The following SNTA1 variants were observed in gnomAD, a reference collection of about 807,000 sequenced individuals.
SNTA1 encodes syntrophin alpha 1.
SNTA1 carries 31 observed loss-of-function variants against 47.1 expected under a neutral mutation model. The observed-to-expected ratio is 0.66, with a 90% CI of 0.49 to 0.89. The LOEUF is 0.89. Among genes scored for constraint, SNTA1 ranks in the 40% least tolerant of loss-of-function variants. The pLI is 0.00. For synonymous variants in SNTA1, 300 were observed against 313.6 expected (o/e 0.96, Z 0.46); for missense variants, 575 against 693.0 (o/e 0.83, Z 1.91).
In SNTA1 at chr20:33,408,461, C is replaced by G; in HGVS notation, c.*46G>C. On this transcript the variant is annotated 3_prime_UTR_variant, in exon 8 of 8. Coordinates refer to ENST00000217381, the MANE Select transcript of SNTA1 (RefSeq NM_003098.3). ...GCAGTCGGTGGAGGCCCAGCTCAGG[C>G]CATGTCATGGACACCCCTCTTCAGG... is the stretch of plus-strand genomic sequence containing the variant. 2.2e-6 allele frequency: 3 copies of G among 1,370,698 alleles called. No individual in the cohort carries two copies. Among genetic ancestry groups the G allele is most frequent in the Non-Finnish European group, 3.1e-6 (3 of 959,244 alleles). The allele number at this position is 1,370,698 out of a possible 1,614,324, so 84.9% of individuals were successfully genotyped here. A position where few individuals can be genotyped will look rare whatever the true frequency, so the allele number is the denominator to read the frequency against.
chr20:33,409,776 G>C (rs891295864), intron 6 of SNTA1, among the ~76,000 whole-genome samples: 1 of 151,642 alleles, frequency 6.6e-6, no homozygotes. Flanking sequence ...GACTACAGGC[G>C]CCCACCACCA....
At chr20:33,426,848 G>C (rs929676026) in intron 2 of SNTA1, among the ~76,000 whole-genome samples, 3 of 151,978 alleles carry the variant, frequency 2.0e-5, no homozygotes, top group African/African-American at 7.2e-5. Flanking sequence ...GATCGCTTGA[G>C]CCCAGGAGTT....
At chr20:33,423,712 T>TG (rs375177447) in intron 2 of SNTA1, among the ~76,000 whole-genome samples, 17 of 152,166 alleles carry the variant, frequency 1.1e-4, no homozygotes, top group African/African-American at 4.1e-4. Flanking sequence ...ATAAGTGGAC[T>TG]GGGGGTCACA....
At chr20:33,429,823 C>G (rs891494370) in intron 2 of SNTA1, among the ~76,000 whole-genome samples, 2 of 151,982 alleles carry the variant, frequency 1.3e-5, no homozygotes, top group Non-Finnish European at 2.9e-5. Context: ...AGTGCAATGG[C>G]ACAATCTCAG....
At chr20:33,413,572 T>G (rs1239727537) in intron 3 of SNTA1, among the ~76,000 whole-genome samples, 1 of 149,948 alleles carries the variant, frequency 6.7e-6, no homozygotes, top group African/African-American at 2.5e-5. Flanking sequence ...CTGGGCCAGC[T>G]CCCAGGTTCT....
intron 7 of SNTA1, 39 bp downstream of exon 7, chr20:33,408,662 C>G: frequency 6.2e-7 from 1 of 1,610,430 alleles, no homozygotes; most frequent in South Asian, 1.1e-5. Context: ...GAGTGCACAC[C>G]CCCTCCTCCC....
chr20:33,442,405 G>A (rs933062710), intron 1 of SNTA1, among the ~76,000 whole-genome samples: 3 of 152,172 alleles, frequency 2.0e-5, no homozygotes, highest in Non-Finnish European at 4.4e-5. Context: ...GGCAGGAATA[G>A]TGAACCCAGC....
intron 2 of SNTA1, among the ~76,000 whole-genome samples, chr20:33,425,898 C>A (rs529571288): frequency 6.6e-6 from 1 of 151,588 alleles, no homozygotes; most frequent in South Asian, 2.1e-4. Flanking sequence ...ATGGTGAAAC[C>A]CTATCTCCAC....
intron 1 of SNTA1, 67 bp downstream of exon 1, chr20:33,443,244 C>T: frequency 7.7e-7 from 1 of 1,302,130 alleles, no homozygotes; most frequent in South Asian, 1.4e-5. Flanking sequence ...GGGCGCGCTG[C>T]CAGCCCCCTG....
At chr20:33,418,694 G>A (rs11699937) in intron 2 of SNTA1, among the ~76,000 whole-genome samples, 65,678 of 150,400 alleles carry the variant, frequency 0.44, 14,944 homozygotes, top group Non-Finnish European at 0.51. Context: ...TGGGGAGGCT[G>A]AGGCAGGAGA....
At chr20:33,419,049 G>T (rs532790826) in intron 2 of SNTA1, among the ~76,000 whole-genome samples, 2 of 152,042 alleles carry the variant, frequency 1.3e-5, no homozygotes, top group Admixed American at 1.3e-4. Flanking sequence ...GGGAAGCAAA[G>T]GTTGCAATGA....
Position 33,410,192 on chromosome 20 carries a change from G to A in SNTA1, c.1180C>T (p.Arg394Cys), listed in dbSNP as rs567451585. Reference protein sequence around the residue: ...ESPQELAAWTRQLVDGCHRAA... With the variant: ...ESPQELAAWTCQLVDGCHRAA... ...CGGTGACAGCCATCCACAAGCTGGCGGGTCCAGGCAGCCAGCTCCTGCGGT... is the reference window on the plus strand; with the variant it reads ...CGGTGACAGCCATCCACAAGCTGGCAGGTCCAGGCAGCCAGCTCCTGCGGT... The change falls in exon 6 of 8, where the codon CGC becomes TGC. Residue 394 changes from arginine (R) to cysteine (C), a missense_variant. Physicochemically the swap from Arg to Cys is radical, Grantham distance 180. Transcript: ENST00000217381. 65 of 1,614,088 alleles carry A rather than the reference G, an allele frequency of 4.0e-5. No homozygotes were observed. The highest frequency in any genetic ancestry group is 4.7e-5 in the Non-Finnish European group (55 of 1,179,994).
intron 1 of SNTA1, among the ~76,000 whole-genome samples, chr20:33,442,871 G>A (rs1277233891): frequency 6.6e-6 from 1 of 151,996 alleles, no homozygotes; most frequent in African/African-American, 2.4e-5. Flanking sequence ...ATCCACCCCT[G>A]TGCTTCCCAG....
intron 3 of SNTA1, among the ~76,000 whole-genome samples, chr20:33,414,386 A>T (rs953600475): frequency 6.6e-6 from 1 of 151,976 alleles, no homozygotes; most frequent in Non-Finnish European, 1.5e-5. Context: ...TGAGGCCAGG[A>T]GTTCAAAACC....
At position 33,417,869 on chromosome 20, in the gene SNTA1, G is replaced by A. The variant is rs753294770; in HGVS notation, c.551C>T (p.Ser184Leu). The A allele has an allele frequency of 1.1e-5, 18 of 1,613,958 alleles. No individual in the cohort carries two copies. In the South Asian group the frequency reaches 1.6e-4, roughly 15 times the overall value. Reference protein sequence around the residue: ...PYFKNSTGGTSVGWDSPPASP... With the variant: ...PYFKNSTGGTLVGWDSPPASP... ...GGCAGGAGGTGAGTCCCAGCCGACCGAGGTCCCACCAGTAGAGTTCTTGAA... is the reference window on the plus strand; with the variant it reads ...GGCAGGAGGTGAGTCCCAGCCGACCAAGGTCCCACCAGTAGAGTTCTTGAA... The change falls in exon 3 of 8, where the codon TCG becomes TTG. Residue 184 changes from serine (S) to leucine (L), a missense_variant. Ser to Leu is a moderately radical substitution (Grantham distance 145). Coordinates refer to ENST00000217381, the MANE Select transcript of SNTA1 (RefSeq NM_003098.3).
chr20:33,422,731 A>G (rs994566461), intron 2 of SNTA1, among the ~76,000 whole-genome samples: 1 of 152,190 alleles, frequency 6.6e-6, no homozygotes, highest in Non-Finnish European at 1.5e-5. Context: ...GGTTGAGGCT[A>G]TAGTCAGCCT....
intron 2 of SNTA1, among the ~76,000 whole-genome samples, chr20:33,419,987 A>G (rs1989980102): frequency 6.6e-6 from 1 of 151,570 alleles, no homozygotes. Context: ...GCAATGGTGC[A>G]GTATTGGCTC....
In SNTA1 at chr20:33,443,506, C is replaced by A. The variant is rs755986911; in HGVS notation, c.115G>T (p.Val39Leu). 7.3e-7 allele frequency: 1 copy of A among 1,376,580 alleles called. No individual in the cohort carries two copies. Among genetic ancestry groups the A allele is most frequent in the Non-Finnish European group, 9.4e-7 (1 of 1,059,614 alleles). 85.3% of individuals were successfully genotyped at this position (1,376,580 alleles called of 1,614,324 possible). Reference protein sequence around the residue: ...QRVLLSLAEDVLTVSPADGDP... With the variant: ...QRVLLSLAEDLLTVSPADGDP... ...CCGTCGGCGGGGCTCACGGTCAGCACGTCCTCCGCCAGACTCAGCAGCACC... is the reference window on the plus strand; with the variant it reads ...CCGTCGGCGGGGCTCACGGTCAGCAAGTCCTCCGCCAGACTCAGCAGCACC... The change falls in exon 1 of 8, where the codon GTG (valine) becomes TTG (leucine). Residue 39 changes from valine to leucine, a missense_variant. Val to Leu is a conservative substitution (Grantham distance 32). Coordinates refer to ENST00000217381, the MANE Select transcript of SNTA1 (RefSeq NM_003098.3).
chr20:33,440,525 A>G (rs962537744), intron 1 of SNTA1, among the ~76,000 whole-genome samples: 4 of 152,230 alleles, frequency 2.6e-5, no homozygotes, highest in African/African-American at 9.6e-5. Flanking sequence ...ACATGCCTGT[A>G]GTCCCAGCTA....
Sources: allele counts gnomAD v4.1 joint callset (sites outside exome capture counted in the v4.1 genomes callset), GRCh38; gene constraint gnomAD v4.1.1; transcripts MANE v1.5; gene names NCBI Gene and HGNC (gene_info 2026-07-23, HGNC 2026-07-21).